PCSK2: variants seen among roughly 807,000 people sequenced by gnomAD.
The protein encoded by PCSK2 is proprotein convertase subtilisin/kexin type 2, also known as neuroendocrine convertase 2.
PCSK2 carries 14 observed loss-of-function variants against 69.7 expected under a neutral mutation model. The ratio of observed to expected loss-of-function variants is 0.20; its 90% CI spans 0.13 to 0.31. The LOEUF is 0.31. Ranked by LOEUF, PCSK2 falls within the 10% of genes least tolerant of loss-of-function variation. The pLI is 1.00. For missense variants in PCSK2, 544 were observed against 842.5 expected (o/e 0.65, Z 4.39); for synonymous variants, 307 against 320.7 (o/e 0.96, Z 0.46).
chr20:17,394,648 G>A (rs1352374016), intron 5 of PCSK2, among the ~76,000 whole-genome samples: 1 of 152,184 alleles, frequency 6.6e-6, no homozygotes, highest in African/African-American at 2.4e-5. Context: ...ATCTCCAAAA[G>A]GTCTAGGGCA....
chr20:17,431,311 G>A (rs111969822), intron 7 of PCSK2, among the ~76,000 whole-genome samples: 4 of 152,142 alleles, frequency 2.6e-5, no homozygotes, highest in Non-Finnish European at 5.9e-5. Flanking sequence ...TTCATTGTTC[G>A]GGGGTGCCGT....
At chr20:17,233,826 A>G (rs971352932) in intron 1 of PCSK2, among the ~76,000 whole-genome samples, 1 of 152,114 alleles carries the variant, frequency 6.6e-6, no homozygotes, top group Non-Finnish European at 1.5e-5. Flanking sequence ...TCATGTGACA[A>G]TTCTAGCCTG....
chr20:17,438,526 G>A (rs6044814), intron 8 of PCSK2, among the ~76,000 whole-genome samples: 89,891 of 151,898 alleles, frequency 0.59, 26,784 homozygotes, highest in South Asian at 0.7. Context: ...CAGGGGGCAG[G>A]TATGGAATTA....
At chr20:17,282,140 G>A (rs1988340248) in intron 2 of PCSK2, among the ~76,000 whole-genome samples, 1 of 152,082 alleles carries the variant, frequency 6.6e-6, no homozygotes, top group Admixed American at 6.5e-5. Context: ...TGTCTATATA[G>A]GCATGTATAT....
chr20:17,482,197 C>T lies in PCSK2; in HGVS notation c.*127C>T, dbSNP rs970191590. ...GCAATTCCGTCTTCTTAATCTGAAG[C>T]TTCACTCACTGTCAATGATTATTTT... On this transcript the variant is annotated 3_prime_UTR_variant, in exon 12 of 12. Coordinates refer to ENST00000262545, the MANE Select transcript of PCSK2 (RefSeq NM_002594.5). 7.4e-5 allele frequency: 58 copies of T among 787,780 alleles called. No homozygotes were observed. The highest frequency in any genetic ancestry group is 3.8e-4 in the Middle Eastern group (1 of 2,632). The allele number at this position is 787,780 out of a possible 1,614,324, so 48.8% of individuals were successfully genotyped here.
chr20:17,457,327 T>C (rs1285099994), intron 10 of PCSK2, among the ~76,000 whole-genome samples: 1 of 152,148 alleles, frequency 6.6e-6, no homozygotes, highest in African/African-American at 2.4e-5. Context: ...CATCAATCTC[T>C]AGGCAGCCCT....
chr20:17,409,409 G>A, intron 6 of PCSK2, 70 bp downstream of exon 6: 1 of 1,036,594 alleles, frequency 9.6e-7, no homozygotes, highest in South Asian at 1.3e-5. Flanking sequence ...TTTTGTTTCA[G>A]GCTTGACTAC....
At chr20:17,251,893 T>C (rs1047636419) in intron 1 of PCSK2, among the ~76,000 whole-genome samples, 1 of 152,294 alleles carries the variant, frequency 6.6e-6, no homozygotes, top group East Asian at 1.9e-4. Flanking sequence ...CTTCTTAATA[T>C]GTGCATTTAA....
intron 2 of PCSK2, among the ~76,000 whole-genome samples, chr20:17,279,647 C>G (rs1267992550): frequency 6.6e-6 from 1 of 152,002 alleles, no homozygotes; most frequent in Non-Finnish European, 1.5e-5. Flanking sequence ...CTCTACTGGG[C>G]ATAGTGGTGC....
intron 5 of PCSK2, among the ~76,000 whole-genome samples, chr20:17,392,316 T>C (rs920504774): frequency 2.0e-5 from 3 of 152,198 alleles, no homozygotes; most frequent in Non-Finnish European, 2.9e-5. Flanking sequence ...AAACAGTTCT[T>C]TTGAATAGGT....
At chr20:17,380,084 T>G (rs1452001953) in intron 5 of PCSK2, among the ~76,000 whole-genome samples, 2 of 152,240 alleles carry the variant, frequency 1.3e-5, no homozygotes, top group Non-Finnish European at 2.9e-5. Context: ...AGTGACACCT[T>G]GATTTCAGCC....
chr20:17,243,119 T>C (rs1986644865), intron 1 of PCSK2, among the ~76,000 whole-genome samples: 2 of 152,218 alleles, frequency 1.3e-5, no homozygotes, highest in Non-Finnish European at 2.9e-5. Context: ...CCTGAAAAAT[T>C]TTTAAAAAGG....
intron 2 of PCSK2, among the ~76,000 whole-genome samples, chr20:17,315,481 C>T (rs1352105191): frequency 6.6e-6 from 1 of 152,170 alleles, no homozygotes; most frequent in Non-Finnish European, 1.5e-5. Flanking sequence ...CTCCCTCCTG[C>T]GCGGAAAGCG....
chr20:17,244,927 T>C (rs1229262607), intron 1 of PCSK2, among the ~76,000 whole-genome samples: 1 of 152,146 alleles, frequency 6.6e-6, no homozygotes, highest in African/African-American at 2.4e-5. Context: ...AGCCTCACAT[T>C]TCTTGCCAGA....
intron 1 of PCSK2, among the ~76,000 whole-genome samples, chr20:17,247,171 G>A (rs1986802937): frequency 6.6e-6 from 1 of 152,170 alleles, no homozygotes; most frequent in African/African-American, 2.4e-5. Flanking sequence ...TCATCCTCCA[G>A]CAGCCTACCC....
At chr20:17,313,124 C>T (rs1002434603) in intron 2 of PCSK2, among the ~76,000 whole-genome samples, 1 of 152,196 alleles carries the variant, frequency 6.6e-6, no homozygotes, top group Non-Finnish European at 1.5e-5. Flanking sequence ...CTTAACCCAA[C>T]ATATCCAAAA....
chr20:17,311,996 A>G (rs1400590866), intron 2 of PCSK2, among the ~76,000 whole-genome samples: 1 of 152,220 alleles, frequency 6.6e-6, no homozygotes, highest in Non-Finnish European at 1.5e-5. Flanking sequence ...CCAAATAAAT[A>G]GAAGATATTC....
At chr20:17,290,522 T>G (rs1988662230) in intron 2 of PCSK2, among the ~76,000 whole-genome samples, 1 of 152,230 alleles carries the variant, frequency 6.6e-6, no homozygotes. Flanking sequence ...GTGGATGTTA[T>G]CATCCTGTTT....
chr20:17,420,496 T>A (rs900116893), intron 6 of PCSK2, among the ~76,000 whole-genome samples: 13 of 152,242 alleles, frequency 8.5e-5, no homozygotes, highest in Admixed American at 1.3e-4. Context: ...ATTTTTAAAT[T>A]TCTAGTCCCC....
Sources: allele counts gnomAD v4.1 joint callset (sites outside exome capture counted in the v4.1 genomes callset), GRCh38; gene constraint gnomAD v4.1.1; transcripts MANE v1.5; gene names NCBI Gene and HGNC (gene_info 2026-07-23, HGNC 2026-07-21).